CACNB4: variants seen among roughly 807,000 people sequenced by gnomAD.
CACNB4 encodes the protein voltage-dependent L-type calcium channel subunit beta-4.
CACNB4 carries 32 observed loss-of-function variants against 71.2 expected under a neutral mutation model. The observed-to-expected ratio is 0.45, with a 90% CI of 0.34 to 0.60. The LOEUF is 0.60. CACNB4 is among the 20% of genes least tolerant of loss of function. CACNB4 has a pLI of 0.01. For synonymous variants in CACNB4, 231 were observed against 236.9 expected, an observed-to-expected ratio of 0.97 and a Z score of 0.23; for missense variants, 464 against 647.9, an observed-to-expected ratio of 0.72 and a Z score of 3.08.
chr2:151,916,834 T>C (rs1025491316), intron 2 of CACNB4, among the ~76,000 whole-genome samples: 2 of 152,168 alleles, frequency 1.3e-5, no homozygotes, highest in Non-Finnish European at 2.9e-5. Flanking sequence ...ATTCTCACAA[T>C]TGGGAGGAGG....
chr2:151,935,200 T>C (rs1393314319), intron 2 of CACNB4, among the ~76,000 whole-genome samples: 1 of 152,228 alleles, frequency 6.6e-6, no homozygotes, highest in African/African-American at 2.4e-5. Flanking sequence ...GGCTTTCTTG[T>C]GCAGATGGAA....
rs201870832 is a variant in CACNB4 at position 151,870,575 on chromosome 2, T to C, written c.655A>G (p.Met219Val). The part of the protein sequence containing the change: ...HIPPYDVVPS[M>V]RPVVLVGPSL... ...GGCCCCACTAACACCACCGGACGCA[T>C]TGACGGTACAACATCGTAAGGAGGA... is the stretch of plus-strand genomic sequence containing the variant. The change falls in exon 8 of 14, where the codon ATG becomes GTG. Residue 219 changes from methionine (M) to valine (V), a missense_variant. Physicochemically the swap from Met to Val is conservative, Grantham distance 21. This residue lies in a region of CACNB4 where 299 missense variants were observed against 471.7 expected (regional missense o/e 0.63). Coordinates refer to ENST00000539935, the MANE Select transcript of CACNB4 (RefSeq NM_000726.5). 4.6e-4 allele frequency: 735 copies of C among 1,613,932 alleles called. 2 individuals carry two copies. In the African/African-American group the frequency reaches 8.3e-3, roughly 18 times the overall value.
intron 2 of CACNB4, among the ~76,000 whole-genome samples, chr2:151,976,467 T>A (rs981324381): frequency 2.6e-5 from 4 of 152,162 alleles, no homozygotes; most frequent in African/African-American, 9.7e-5. Context: ...AAATTCCTAT[T>A]TTTCCCACGC....
rs141830230 is a variant in CACNB4, at chr2:152,050,210, G to A, written c.147+48120C>T. Among the ~76,000 whole-genome samples the A allele has an allele frequency of 6.5e-4, 99 of 152,280 alleles. 1 individual carries two copies. The East Asian group carries it at 0.017, about 26-fold the overall frequency. On this transcript the variant is annotated intron_variant, in intron 2 of 13. Transcript: ENST00000539935. ...GTAAAGACGAGGAAAGAAAGTTTCC[G>A]GGTTCTCCCACACACAATTCAGCCC...
chr2:152,098,861 C>A lies in CACNB4; in HGVS notation c.63+88G>T, dbSNP rs1688436332. ...TCCCGGGACTGGGGCCCCGCACGCC[C>A]GGCACGAAGGCGGGGCGCGCTAGGG... On this transcript the variant is annotated intron_variant, in intron 1 of 13. Transcript: ENST00000539935. The surrounding 1 kb of genome is among the most constrained non-coding windows in gnomAD (Gnocchi z 5.3). 1.8e-6 allele frequency: 2 copies of A among 1,141,400 alleles called. No individual in the cohort carries two copies. The highest frequency in any genetic ancestry group is 2.4e-6 in the Non-Finnish European group (2 of 824,080). 70.7% of individuals were successfully genotyped at this position (1,141,400 alleles called of 1,614,324 possible).
intron 2 of CACNB4, among the ~76,000 whole-genome samples, chr2:152,006,365 T>C (rs556802385): frequency 6.6e-6 from 1 of 152,064 alleles, no homozygotes; most frequent in African/African-American, 2.4e-5. Context: ...TTGAGTTTGA[T>C]GCCCCCGTTC....
intron 2 of CACNB4, among the ~76,000 whole-genome samples, chr2:151,956,609 T>C (rs1210176287): frequency 1.3e-5 from 2 of 152,226 alleles, no homozygotes; most frequent in African/African-American, 4.8e-5. Context: ...TGGTGATGAT[T>C]GTAGTTGTAC....
chr2:151,989,582 C>G (rs1681571591), intron 2 of CACNB4, among the ~76,000 whole-genome samples: 1 of 152,170 alleles, frequency 6.6e-6, no homozygotes, highest in Non-Finnish European at 1.5e-5. Context: ...ATGGGTTCTT[C>G]ACCCTCTGGC....
chr2:152,092,361 C>T (rs931266193), intron 2 of CACNB4, among the ~76,000 whole-genome samples: 1 of 152,212 alleles, frequency 6.6e-6, no homozygotes, highest in African/African-American at 2.4e-5. Context: ...ATAACTGGTG[C>T]TCAAATTATA....
At chr2:151,933,882 A>T (rs1180005378) in intron 2 of CACNB4, among the ~76,000 whole-genome samples, 1 of 126,276 alleles carries the variant, frequency 7.9e-6, no homozygotes, top group African/African-American at 5.8e-5. Flanking sequence ...ATAAAATTTC[A>T]GTGATCAAAT....
At chr2:151,841,074 C>T (rs2099836093) in intron 13 of CACNB4, among the ~76,000 whole-genome samples, 1 of 152,202 alleles carries the variant, frequency 6.6e-6, no homozygotes, top group African/African-American at 2.4e-5. Context: ...CAAAGGTGGG[C>T]ACCTGCACAG....
At chr2:151,932,327 C>T (rs2099861825) in intron 2 of CACNB4, among the ~76,000 whole-genome samples, 1 of 151,980 alleles carries the variant, frequency 6.6e-6, no homozygotes, top group Non-Finnish European at 1.5e-5. Context: ...CAAATTTTTA[C>T]CAGATCTCAA....
chr2:151,979,081 T>C (rs970111667), intron 2 of CACNB4, among the ~76,000 whole-genome samples: 6 of 152,108 alleles, frequency 3.9e-5, no homozygotes, highest in Admixed American at 1.3e-4. Context: ...CAGCCACTCC[T>C]GGACCACCCC....
At chr2:152,029,559 C>T (rs933163553) in intron 2 of CACNB4, among the ~76,000 whole-genome samples, 1 of 151,474 alleles carries the variant, frequency 6.6e-6, no homozygotes, top group Admixed American at 6.6e-5. Flanking sequence ...AGTTTGCTCT[C>T]TCTGCCACAT....
intron 2 of CACNB4, among the ~76,000 whole-genome samples, chr2:152,021,177 GC>G (rs1384659187): frequency 6.6e-6 from 1 of 152,168 alleles, no homozygotes; most frequent in Non-Finnish European, 1.5e-5. Flanking sequence ...AACCCGGGAG[GC>G]GGAGGTTGCA....
At chr2:152,088,115 G>GA (rs1204538479) in intron 2 of CACNB4, among the ~76,000 whole-genome samples, 5 of 141,968 alleles carry the variant, frequency 3.5e-5, no homozygotes, top group Non-Finnish European at 6.1e-5. Context: ...TGACATGCCT[G>GA]AAAAAAAGAA....
At chr2:151,985,572 A>G (rs1304894316) in intron 2 of CACNB4, among the ~76,000 whole-genome samples, 2 of 152,176 alleles carry the variant, frequency 1.3e-5, no homozygotes, top group African/African-American at 4.8e-5. Context: ...ACCAACTCTC[A>G]GCTTTATCAC....
intron 2 of CACNB4, among the ~76,000 whole-genome samples, chr2:151,915,847 C>CAAA (rs143625402): frequency 3.7e-5 from 3 of 81,986 alleles, no homozygotes; most frequent in African/African-American, 9.1e-5. Context: ...AGCTCCATCT[C>CAAA]AAAAAAAAAA....
Position 151,834,765 on chromosome 2 carries a change from T to G in CACNB4, c.*4354A>C, listed in dbSNP as rs758294349. On this transcript the variant is annotated 3_prime_UTR_variant, in exon 14 of 14. Transcript: ENST00000539935. Reference sequence around the variant, plus strand: ...TGTTCTCTGCCCCATAGACACAGCTTGAGTAAGTAACTTACTAACAGTTAT... The same window carrying G: ...TGTTCTCTGCCCCATAGACACAGCTGGAGTAAGTAACTTACTAACAGTTAT... 3 of 151,898 alleles carry G rather than the reference T, an allele frequency of 2.0e-5. No individual in the cohort carries two copies. Among genetic ancestry groups the G allele is most frequent in the Admixed American group, 6.6e-5 (1 of 15,252 alleles). The allele number at this position is 151,898 out of a possible 1,614,324, so 9.4% of individuals were successfully genotyped here. A position where few individuals can be genotyped will look rare whatever the true frequency, so the allele number is the denominator to read the frequency against.
Sources: allele counts gnomAD v4.1 joint callset (sites outside exome capture counted in the v4.1 genomes callset), GRCh38; gene constraint gnomAD v4.1.1; regional missense constraint gnomAD v4.1.1; non-coding constraint Gnocchi (gnomAD v3.1); transcripts MANE v1.5; gene names NCBI Gene and HGNC (gene_info 2026-07-23, HGNC 2026-07-21).